NDUFAF2: variants seen among roughly 807,000 people sequenced by gnomAD.
NDUFAF2 encodes the protein NADH dehydrogenase [ubiquinone] 1 alpha subcomplex assembly factor 2.
Under a neutral mutation model 22.8 loss-of-function variants are expected in NDUFAF2, and 13 were observed. The observed-to-expected ratio is 0.57, with a 90% CI of 0.37 to 0.91. NDUFAF2 has a LOEUF of 0.91. Among genes scored for constraint, NDUFAF2 ranks in the 40% least tolerant of loss-of-function variants. NDUFAF2 has a pLI of 0.01. For synonymous variants in NDUFAF2, 53 were observed against 64.2 expected (o/e 0.83, Z 0.84); for missense variants, 162 against 195.2 (o/e 0.83, Z 1.01).
chr5:61,052,484 G>A (rs1440988609), intron 1 of NDUFAF2, among the ~76,000 whole-genome samples: 1 of 151,970 alleles, frequency 6.6e-6, no homozygotes, highest in Admixed American at 6.6e-5. Flanking sequence ...CTAATTTTTT[G>A]TATTTTTAGT....
intron 1 of NDUFAF2, among the ~76,000 whole-genome samples, chr5:60,989,571 A>G (rs1007039339): frequency 2.4e-4 from 37 of 152,238 alleles, no homozygotes; most frequent in African/African-American, 8.4e-4. Context: ...TGCAGTCATA[A>G]AAAACAAGAT....
At chr5:60,986,353 A>G (rs1400891385) in intron 1 of NDUFAF2, among the ~76,000 whole-genome samples, 1 of 152,158 alleles carries the variant, frequency 6.6e-6, no homozygotes, top group Admixed American at 6.5e-5. Context: ...GCAATTAAAC[A>G]TGCTCCTGAA....
chr5:60,945,283 G>T lies in NDUFAF2; in HGVS notation c.28G>T (p.Ala10Ser). 6.2e-7 allele frequency: 1 copy of T among 1,613,796 alleles called. No individual in the cohort carries two copies. The highest frequency in any genetic ancestry group is 8.5e-7 in the Non-Finnish European group (1 of 1,179,946). The part of the protein sequence containing the change: MGWSQDLFR[A>S]LWRSLSREVK... The stretch of plus-strand genomic sequence containing the variant: ...GGGTTGGTCTCAGGATTTGTTCCGC[G>T]CCTTGTGGAGATCGCTGTCAAGGGA... The change falls in exon 1 of 4, where the codon GCC (alanine) becomes TCC (serine). Residue 10 changes from alanine to serine, a missense_variant. Ala to Ser is a moderately conservative substitution (Grantham distance 99). Coordinates refer to ENST00000296597, the MANE Select transcript of NDUFAF2 (RefSeq NM_174889.5).
chr5:61,036,801 G>A (rs983997481), intron 1 of NDUFAF2, among the ~76,000 whole-genome samples: 1 of 152,144 alleles, frequency 6.6e-6, no homozygotes, highest in Non-Finnish European at 1.5e-5. Flanking sequence ...CAAGAAGAGA[G>A]CCAACAAAAT....
At chr5:61,075,031 G>A (rs1279605319) in intron 2 of NDUFAF2, among the ~76,000 whole-genome samples, 1 of 152,088 alleles carries the variant, frequency 6.6e-6, no homozygotes, top group African/African-American at 2.4e-5. Flanking sequence ...CCATGATCTA[G>A]TCACCTCCCT....
intron 1 of NDUFAF2, among the ~76,000 whole-genome samples, chr5:61,055,375 T>C (rs1477994619): frequency 3.9e-5 from 6 of 152,204 alleles, no homozygotes; most frequent in Admixed American, 3.9e-4. Flanking sequence ...TTAGCAAACA[T>C]TGATTAGCAG....
chr5:61,093,042 G>T (rs1752588436), intron 2 of NDUFAF2, among the ~76,000 whole-genome samples: 1 of 152,188 alleles, frequency 6.6e-6, no homozygotes, highest in Non-Finnish European at 1.5e-5. Flanking sequence ...ACTGGTGTAA[G>T]TTCAAGAATC....
At chr5:60,977,688 T>C (rs1750920078) in intron 1 of NDUFAF2, among the ~76,000 whole-genome samples, 1 of 151,694 alleles carries the variant, frequency 6.6e-6, no homozygotes, top group African/African-American at 2.4e-5. Context: ...AATACAAAAA[T>C]TAGCCAGGCA....
chr5:61,046,883 T>C (rs1260196044), intron 1 of NDUFAF2, among the ~76,000 whole-genome samples: 1 of 152,204 alleles, frequency 6.6e-6, no homozygotes, highest in African/African-American at 2.4e-5. Flanking sequence ...GGAAAGTTAA[T>C]AGTGTTGCCC....
chr5:61,039,113 G>A (rs982267496), intron 1 of NDUFAF2, among the ~76,000 whole-genome samples: 82 of 143,134 alleles, frequency 5.7e-4, no homozygotes, highest in Admixed American at 2.3e-3. Flanking sequence ...ACAGTAATTG[G>A]TAGAAAACTG....
chr5:60,999,603 G>T (rs1751271141), intron 1 of NDUFAF2, among the ~76,000 whole-genome samples: 1 of 152,052 alleles, frequency 6.6e-6, no homozygotes. Context: ...AGGTTTTTCT[G>T]TTGGGGTGGT....
intron 1 of NDUFAF2, among the ~76,000 whole-genome samples, chr5:60,982,984 C>G (rs369683177): frequency 1.2e-4 from 18 of 151,860 alleles, no homozygotes; most frequent in Admixed American, 2.6e-4. Flanking sequence ...CACTGACTTC[C>G]ACAATGGTTG....
At chr5:60,986,773 A>C (rs908273662) in intron 1 of NDUFAF2, among the ~76,000 whole-genome samples, 1 of 152,174 alleles carries the variant, frequency 6.6e-6, no homozygotes, top group Middle Eastern at 3.4e-3. Flanking sequence ...TACTAAAAAA[A>C]TACAAAAAAT....
At chr5:61,079,845 A>C (rs1752419832) in intron 2 of NDUFAF2, among the ~76,000 whole-genome samples, 1 of 152,082 alleles carries the variant, frequency 6.6e-6, no homozygotes, top group Non-Finnish European at 1.5e-5. Flanking sequence ...CATCTTCTTA[A>C]CTTATATAGT....
intron 2 of NDUFAF2, 69 bp from the exon 3 acceptor site, chr5:61,098,923 T>A: frequency 7.6e-7 from 1 of 1,321,432 alleles, no homozygotes; most frequent in Non-Finnish European, 1.1e-6. Context: ...CAAAAAAATT[T>A]GTTTTATGGA....
intron 1 of NDUFAF2, among the ~76,000 whole-genome samples, chr5:61,030,105 G>A (rs534506663): frequency 4.4e-4 from 67 of 152,246 alleles, no homozygotes; most frequent in African/African-American, 1.5e-3. Flanking sequence ...ACATTCAGTT[G>A]TCACAAGTGC....
chr5:61,140,032 ATTC>A (rs1447265590), intron 3 of NDUFAF2, among the ~76,000 whole-genome samples: 1 of 152,226 alleles, frequency 6.6e-6, no homozygotes, highest in Non-Finnish European at 1.5e-5. Flanking sequence ...GCACATCCTC[ATTC>A]TTCTTAGGTG....
chr5:60,952,254 A>T lies in NDUFAF2; in HGVS notation c.127+6872A>T, dbSNP rs184218002. Among the ~76,000 whole-genome samples the T allele has an allele frequency of 1.6e-3, 236 of 151,548 alleles. 1 individual carries two copies. The highest frequency in any genetic ancestry group is 5.5e-3 in the African/African-American group (229 of 41,368). On this transcript the variant is annotated intron_variant, in intron 1 of 3. Coordinates refer to ENST00000296597, the MANE Select transcript of NDUFAF2 (RefSeq NM_174889.5). The stretch of plus-strand genomic sequence containing the variant: ...TCGTCATCGTTTTCTTCTGCTTTCA[A>T]TTGGTTTTATATGTTCTTCTAGTTT...
chr5:60,986,774 T>G (rs906145443), intron 1 of NDUFAF2, among the ~76,000 whole-genome samples: 2 of 151,388 alleles, frequency 1.3e-5, no homozygotes, highest in African/African-American at 4.9e-5. Context: ...ACTAAAAAAA[T>G]ACAAAAAATA....
Sources: allele counts gnomAD v4.1 joint callset (sites outside exome capture counted in the v4.1 genomes callset), GRCh38; gene constraint gnomAD v4.1.1; transcripts MANE v1.5; gene names NCBI Gene and HGNC (gene_info 2026-07-23, HGNC 2026-07-21).